UGT2B7: variants seen among roughly 807,000 people sequenced by gnomAD.
UGT2B7 encodes the protein UDP-glucuronosyltransferase 2B7.
UGT2B7 carries 51 observed loss-of-function variants against 51.9 expected under a neutral mutation model. The ratio of observed to expected loss-of-function variants is 0.98; its 90% CI spans 0.78 to 1.24. UGT2B7 has a LOEUF of 1.24. Ranked by LOEUF, UGT2B7 falls within the 50% of genes most tolerant of loss-of-function variation. The pLI, the probability that UGT2B7 is intolerant of heterozygous loss-of-function variation, is 0.00. For missense variants in UGT2B7, 727 were observed against 628.4 expected, an observed-to-expected ratio of 1.16 and a Z score of -1.68; for synonymous variants, 225 against 211.6, an observed-to-expected ratio of 1.06 and a Z score of -0.55.
chr4:69,053,442 C>CGTTAAACAAA (rs1560496035), intron 1 of UGT2B7, among the ~76,000 whole-genome samples: 3 of 152,304 alleles, frequency 2.0e-5, no homozygotes, highest in South Asian at 4.1e-4. Context: ...TCCATCTGCA[C>CGTTAAACAAA]GTTAAACAAA....
At chr4:69,111,534 C>T (rs1287451545) in intron 5 of UGT2B7, among the ~76,000 whole-genome samples, 1 of 152,136 alleles carries the variant, frequency 6.6e-6, no homozygotes, top group Non-Finnish European at 1.5e-5. Context: ...TGATGTTGAG[C>T]ATGTTCTCCG....
intron 1 of UGT2B7, among the ~76,000 whole-genome samples, chr4:69,064,064 GAAAGAAAGAAAGAAAGAAAGAA>G (rs1553911450): frequency 9.8e-6 from 1 of 101,820 alleles, no homozygotes; most frequent in Non-Finnish European, 1.9e-5. Flanking sequence ...AAGAAAGAAA[GAAAGAAAGAAAGAAAGAAAGAA>G]AGAAAGAAAG....
intron 3 of UGT2B7, among the ~76,000 whole-genome samples, chr4:69,104,062 G>T (rs2109890031): frequency 6.6e-6 from 1 of 152,230 alleles, no homozygotes; most frequent in Non-Finnish European, 1.5e-5. Context: ...GCCGAGGCAG[G>T]CGAATCACGA....
intron 1 of UGT2B7, among the ~76,000 whole-genome samples, chr4:69,053,384 A>T (rs1718091443): frequency 6.6e-6 from 1 of 152,228 alleles, no homozygotes; most frequent in Non-Finnish European, 1.5e-5. Context: ...TTTGGCAATT[A>T]AGACAGCATA....
chr4:69,112,354 A>G, intron 5 of UGT2B7, 103 bp from the exon 6 acceptor site: 2 of 1,454,192 alleles, frequency 1.4e-6, no homozygotes, highest in Non-Finnish European at 1.8e-6. Context: ...AGTCTTGCCG[A>G]TGCTCCCAGC....
chr4:69,064,040 GA>G (rs970269165), intron 1 of UGT2B7, among the ~76,000 whole-genome samples: 4 of 85,818 alleles, frequency 4.7e-5, no homozygotes, highest in Admixed American at 1.2e-4. Flanking sequence ...AAGAAAGAAA[GA>G]AAGAAAGAAA....
At chr4:69,064,112 A>AAGAAAGAGAAAGAAAGAAAG (rs754723956) in intron 1 of UGT2B7, among the ~76,000 whole-genome samples, 3 of 86,802 alleles carry the variant, frequency 3.5e-5, no homozygotes, top group African/African-American at 1.8e-4. Flanking sequence ...GAAAGAAAGA[A>AAGAAAGAGAAAGAAAGAAAG]AAAGAAAGAA....
chr4:69,099,572 G>A (rs1719361204), intron 2 of UGT2B7, among the ~76,000 whole-genome samples: 1 of 151,920 alleles, frequency 6.6e-6, no homozygotes, highest in Non-Finnish European at 1.5e-5. Flanking sequence ...AGCAGATGAT[G>A]GAAAAGTCGA....
intron 2 of UGT2B7, among the ~76,000 whole-genome samples, 161 bp from the exon 3 acceptor site, chr4:69,102,646 T>C (rs1443561124): frequency 1.3e-5 from 2 of 152,024 alleles, no homozygotes; most frequent in African/African-American, 2.4e-5. Flanking sequence ...ATACATCTAC[T>C]TGCAAAAAAA....
chr4:69,095,256 G>T (rs1482636015), upstream of UGT2B7, among the ~76,000 whole-genome samples: 2 of 152,208 alleles, frequency 1.3e-5, no homozygotes, highest in Non-Finnish European at 2.9e-5. Flanking sequence ...TGGGTTGGAG[G>T]TTTTAAGGAG....
chr4:69,058,000 A>T (rs1015906167), intron 1 of UGT2B7, among the ~76,000 whole-genome samples: 3 of 152,210 alleles, frequency 2.0e-5, no homozygotes, highest in Non-Finnish European at 4.4e-5. Flanking sequence ...TCATGGCTGA[A>T]TGCAGCCCTG....
intron 1 of UGT2B7, among the ~76,000 whole-genome samples, chr4:69,081,512 C>T (rs1046600458): frequency 3.9e-5 from 6 of 152,080 alleles, no homozygotes; most frequent in African/African-American, 1.2e-4. Context: ...AAATAGAAAC[C>T]TGTATACATC....
upstream of UGT2B7, among the ~76,000 whole-genome samples, chr4:69,094,085 A>G (rs562245782): frequency 1.3e-5 from 2 of 151,944 alleles, no homozygotes; most frequent in African/African-American, 4.8e-5. Flanking sequence ...ACTAAAATAA[A>G]GCAAATATTG....
At chr4:69,082,840 T>C (rs937976530) in intron 1 of UGT2B7, among the ~76,000 whole-genome samples, 3 of 152,106 alleles carry the variant, frequency 2.0e-5, no homozygotes, top group Non-Finnish European at 4.4e-5. Flanking sequence ...TGAAAAAATA[T>C]GTCATCTGAG....
chr4:69,091,502 A>G (rs918078662), upstream of UGT2B7, among the ~76,000 whole-genome samples: 1 of 151,864 alleles, frequency 6.6e-6, no homozygotes, highest in African/African-American at 2.4e-5. Flanking sequence ...TAATTTTTTG[A>G]TTGCCGTAAT....
intron 1 of UGT2B7, among the ~76,000 whole-genome samples, chr4:69,070,552 C>T (rs1462766764): frequency 6.6e-6 from 1 of 151,230 alleles, no homozygotes; most frequent in Non-Finnish European, 1.5e-5. Context: ...TCAACTCCAA[C>T]TAAGACAAAG....
chr4:69,097,624 C>G (rs112127865), intron 1 of UGT2B7, among the ~76,000 whole-genome samples: 5 of 152,164 alleles, frequency 3.3e-5, no homozygotes, highest in African/African-American at 1.2e-4. Context: ...CTACAACTAT[C>G]TATATAACTG....
At chr4:69,075,055 C>T (rs903655485) in intron 1 of UGT2B7, among the ~76,000 whole-genome samples, 5 of 151,964 alleles carry the variant, frequency 3.3e-5, no homozygotes, top group Admixed American at 2.0e-4. Context: ...ATGAATGTTT[C>T]AGTAGTTGTA....
At chr4:69,100,704 A>G (rs1409463123) in intron 2 of UGT2B7, among the ~76,000 whole-genome samples, 4 of 152,092 alleles carry the variant, frequency 2.6e-5, no homozygotes, top group Non-Finnish European at 4.4e-5. Context: ...GACTAGTACT[A>G]AAATAGTGAT....
Sources: gnomAD v4.1 joint callset for allele counts (sites outside exome capture counted in the v4.1 genomes callset) on GRCh38, gnomAD v4.1.1 for gene constraint, MANE v1.5 for transcripts, NCBI Gene and HGNC (gene_info 2026-07-23, HGNC 2026-07-21) for gene names.